Variants in COL4A5 observed in about 807,000 individuals in gnomAD.
COL4A5 encodes collagen type IV alpha 5 chain.
Under a neutral mutation model 130.2 loss-of-function variants are expected in COL4A5, and 26 were observed. That is an observed-to-expected ratio of 0.20 (90% CI 0.15 to 0.28). COL4A5 has a LOEUF of 0.28. Ranked by LOEUF, COL4A5 falls within the 10% of genes least tolerant of loss-of-function variation. The pLI is 1.00. For synonymous variants in COL4A5, 496 were observed against 439.6 expected (o/e 1.13, Z -1.60); for missense variants, 1,131 against 1,344.3 (o/e 0.84, Z 2.48).
At chrX:108,619,634 C>T (rs918629752) in intron 30 of COL4A5, among the ~76,000 whole-genome samples, 11 of 111,413 alleles carry the variant, frequency 9.9e-5, no homozygotes, top group African/African-American at 3.6e-4. Flanking sequence ...CTAATAGTAA[C>T]ATATTATTAA....
chrX:108,677,769 G>T (rs2068335934), intron 44 of COL4A5, 136 bp downstream of exon 44: 1 of 786,208 alleles, frequency 1.3e-6, no homozygotes. Context: ...GAATTAAAAA[G>T]ACAGTAGAAG....
intron 1 of COL4A5, among the ~76,000 whole-genome samples, chrX:108,476,197 G>A (rs183210512): frequency 1.7e-3 from 189 of 111,308 alleles, no homozygotes; most frequent in African/African-American, 5.7e-3. Flanking sequence ...AATTGTATAC[G>A]CCTTTATACT....
At chrX:108,631,800 T>A (rs940952067) in intron 36 of COL4A5, among the ~76,000 whole-genome samples, 3 of 111,238 alleles carry the variant, frequency 2.7e-5, no homozygotes, top group African/African-American at 9.8e-5. Context: ...AAAGACAACA[T>A]TCCAGAATCT....
At chrX:108,519,323 G>T (rs968615690) in intron 1 of COL4A5, among the ~76,000 whole-genome samples, 3 of 111,093 alleles carry the variant, frequency 2.7e-5, no homozygotes, top group African/African-American at 9.8e-5. Flanking sequence ...CATGGGAGTG[G>T]CCATTGCATG....
intron 3 of COL4A5, among the ~76,000 whole-genome samples, chrX:108,561,286 A>C (rs1033597774): frequency 9.0e-6 from 1 of 111,201 alleles, no homozygotes; most frequent in African/African-American, 3.3e-5. Context: ...AGTCTGTAGG[A>C]GAAAGGGAAG....
chrX:108,583,607 C>T (rs1254197719), intron 17 of COL4A5, among the ~76,000 whole-genome samples: 7 of 111,220 alleles, frequency 6.3e-5, no homozygotes, highest in African/African-American at 2.3e-4. Flanking sequence ...CTTGAATGTA[C>T]CCAGAAGGCA....
chrX:108,620,163 T>C, intron 30 of COL4A5, 96 bp from the exon 31 acceptor site: 1 of 716,199 alleles, frequency 1.4e-6, no homozygotes, highest in East Asian at 3.2e-5. Context: ...AGGTCTGTTA[T>C]CTACAGGGTT....
intron 1 of COL4A5, among the ~76,000 whole-genome samples, chrX:108,502,869 A>G (rs929406826): frequency 1.8e-5 from 2 of 111,768 alleles, no homozygotes; most frequent in Non-Finnish European, 3.8e-5. Context: ...TTTATCACCC[A>G]AATTCGCGTT....
intron 19 of COL4A5, among the ~76,000 whole-genome samples, chrX:108,587,231 T>C (rs967157337): frequency 2.7e-5 from 3 of 111,150 alleles, no homozygotes; most frequent in Non-Finnish European, 5.7e-5. Context: ...TATCTAACTG[T>C]ATGTTTGTAC....
In COL4A5 at chrX:108,624,297, T is replaced by G. The variant is rs41306255; in HGVS notation, c.2979T>G (p.Pro993=). The G allele has an allele frequency of 2.9e-4, 355 of 1,208,657 alleles. 1 individual carries two copies. Among genetic ancestry groups the G allele is most frequent in the South Asian group, 8.9e-4 (50 of 56,204 alleles). ...YQGLPGDPGQ[P]GLSGQPGLPG... ...GTTTGCCTGGAGACCCAGGGCAACCTGGACTGAGTGGACAACCTGGATTAC... is the reference window on the plus strand; with the variant it reads ...GTTTGCCTGGAGACCCAGGGCAACCGGGACTGAGTGGACAACCTGGATTAC... Residue 993 remains proline (P), a synonymous_variant, in exon 34 of 53, where the codon CCT becomes CCG. Coordinates refer to ENST00000328300, the MANE Select transcript of COL4A5 (RefSeq NM_033380.3).
chrX:108,675,706 A>G (rs899529198), intron 43 of COL4A5, among the ~76,000 whole-genome samples: 1 of 111,645 alleles, frequency 9.0e-6, no homozygotes, highest in Admixed American at 9.5e-5. Flanking sequence ...GTCATGTTAT[A>G]TTATGAAATT....
chrX:108,516,878 A>T (rs985081394), intron 1 of COL4A5, among the ~76,000 whole-genome samples: 4 of 111,620 alleles, frequency 3.6e-5, no homozygotes, highest in African/African-American at 1.3e-4. Context: ...AAAGCAAAAG[A>T]TGGAGTTCAA....
intron 2 of COL4A5, among the ~76,000 whole-genome samples, chrX:108,544,575 T>C (rs1273147683): frequency 1.8e-5 from 2 of 110,428 alleles, no homozygotes; most frequent in Non-Finnish European, 3.8e-5. Context: ...ATTCTCTTTT[T>C]TGTTGTGTCT....
intron 10 of COL4A5, among the ~76,000 whole-genome samples, chrX:108,577,264 C>T (rs1390265100): frequency 9.5e-6 from 1 of 105,453 alleles, no homozygotes; most frequent in Non-Finnish European, 1.9e-5. Flanking sequence ...CCCAGCTACT[C>T]GGGAGGCTGA....
chrX:108,626,503 A>G (rs1348705804), intron 36 of COL4A5, 154 bp downstream of exon 36: 2 of 1,157,905 alleles, frequency 1.7e-6, no homozygotes, highest in Non-Finnish European at 2.3e-6. Flanking sequence ...CTTAGATGAT[A>G]AGAAGATATG....
At chrX:108,592,167 A>G (rs184033615) in intron 21 of COL4A5, among the ~76,000 whole-genome samples, 2 of 111,878 alleles carry the variant, frequency 1.8e-5, no homozygotes, top group South Asian at 7.5e-4. Context: ...AGCAATAACA[A>G]GAGAACTTTC....
intron 37 of COL4A5, among the ~76,000 whole-genome samples, chrX:108,660,870 G>A (rs1196109380): frequency 9.0e-6 from 1 of 111,532 alleles, no homozygotes; most frequent in Admixed American, 9.5e-5. Context: ...ATATGGTGGT[G>A]GTCTCATATG....
At chrX:108,571,675 G>A in intron 7 of COL4A5, 136 bp from the exon 8 acceptor site, 1 of 565,338 alleles carries the variant, frequency 1.8e-6, no homozygotes, top group Non-Finnish European at 3.0e-6. Context: ...TCACCTCTAA[G>A]TATCCTAAGG....
At chrX:108,571,746 C>T (rs1371733617) in intron 7 of COL4A5, 65 bp from the exon 8 acceptor site, 13 of 829,684 alleles carry the variant, frequency 1.6e-5, no homozygotes, top group Non-Finnish European at 2.0e-5. Context: ...ATTTAGAAAG[C>T]ATTCTGTAAT....
Sources: allele counts gnomAD v4.1 joint callset (sites outside exome capture counted in the v4.1 genomes callset), GRCh38; gene constraint gnomAD v4.1.1; transcripts MANE v1.5; gene names NCBI Gene and HGNC (gene_info 2026-07-23, HGNC 2026-07-21).